Variants in COPS2 observed in about 807,000 individuals in gnomAD.
COPS2 encodes the protein COP9 signalosome complex subunit 2.
In COPS2, 10 loss-of-function variants were observed where a neutral mutation model predicts 66.1. The ratio of observed to expected loss-of-function variants is 0.15; its 90% CI spans 0.09 to 0.26. The LOEUF is 0.26. Ranked by LOEUF, COPS2 falls within the 10% of genes least tolerant of loss-of-function variation. The pLI is 1.00. For missense variants in COPS2, 215 were observed against 513.3 expected (o/e 0.42, Z 5.62); for synonymous variants, 179 against 171.3 (o/e 1.04, Z -0.35).
intron 1 of COPS2, 101 bp downstream of exon 1, chr15:49,155,424 A>G: frequency 9.2e-7 from 1 of 1,085,170 alleles, no homozygotes; most frequent in Non-Finnish European, 1.4e-6. Context: ...GAGAGGCTGT[A>G]AACGGCACAT....
chr15:49,154,452 C>A (rs1463086893), intron 1 of COPS2, among the ~76,000 whole-genome samples: 1 of 152,072 alleles, frequency 6.6e-6, no homozygotes, highest in African/African-American at 2.4e-5. Context: ...ATGCAAAAAA[C>A]TGAAAATATA....
chr15:49,131,274 G>GT (rs1276577143), intron 9 of COPS2, among the ~76,000 whole-genome samples: 1 of 152,004 alleles, frequency 6.6e-6, no homozygotes, highest in East Asian at 1.9e-4. Flanking sequence ...TATCCTCTGT[G>GT]TAGGTTATTC....
chr15:49,134,462 T>C lies in COPS2; in HGVS notation c.593A>G (p.Tyr198Cys). Residue 198 changes from tyrosine to cysteine, a missense_variant, in exon 7 of 13, where the codon TAT becomes TGT. Around this residue, in one of 5 missense-constraint regions of COPS2, gnomAD observed 90 missense variants for 225.1 expected, o/e 0.40. Coordinates refer to ENST00000388901, the MANE Select transcript of COPS2 (RefSeq NM_004236.4). Reference protein sequence around the residue: ...LKKGTQLLEIYALEIQMYTAQ... With the variant: ...LKKGTQLLEICALEIQMYTAQ... Reference sequence around the variant, plus strand: ...TGTGTACATTTGAATTTCCAAAGCATATATTTCTAATAACTGTGTACCTTT... The same window carrying C: ...TGTGTACATTTGAATTTCCAAAGCACATATTTCTAATAACTGTGTACCTTT... 6.2e-7 allele frequency: 1 copy of C among 1,612,422 alleles called. No homozygotes were observed. Among genetic ancestry groups the C allele is most frequent in the Non-Finnish European group, 8.5e-7 (1 of 1,179,580 alleles).
rs2084137701 is a variant in COPS2 at position 49,123,150 on chromosome 15, A to G, written c.*4800T>C. On this transcript the variant is annotated 3_prime_UTR_variant, in exon 13 of 13. Coordinates refer to ENST00000388901, the MANE Select transcript of COPS2 (RefSeq NM_004236.4). ...CGTAAACAGTAAGGGATAGGCAAAC[A>G]TTTGAACAGAAATTAGATACTCAAC... is the stretch of plus-strand genomic sequence containing the variant. 1 of 152,228 alleles carries G rather than the reference A, an allele frequency of 6.6e-6. No homozygotes were observed. Among genetic ancestry groups the G allele is most frequent in the South Asian group, 2.1e-4 (1 of 4,838 alleles). 9.4% of individuals were successfully genotyped at this position (152,228 alleles called of 1,614,324 possible).
intron 3 of COPS2, among the ~76,000 whole-genome samples, chr15:49,140,223 G>A (rs944637456): frequency 2.0e-5 from 3 of 151,536 alleles, no homozygotes; most frequent in Non-Finnish European, 4.4e-5. Flanking sequence ...TTGAACTCCC[G>A]ATCTCAGGTG....
intron 4 of COPS2, 68 bp from the exon 5 acceptor site, chr15:49,137,505 GAACA>G: frequency 1.8e-6 from 2 of 1,138,972 alleles, no homozygotes; most frequent in Non-Finnish European, 2.6e-6. Flanking sequence ...AAGTTAATTT[GAACA>G]AACTAAAAGT....
intron 1 of COPS2, among the ~76,000 whole-genome samples, chr15:49,153,197 G>A (rs893077075): frequency 6.6e-6 from 1 of 152,144 alleles, no homozygotes; most frequent in Non-Finnish European, 1.5e-5. Context: ...AGGCTGAGGC[G>A]GGATGATTGG....
chr15:49,128,511 T>A (rs2084185258), intron 12 of COPS2, among the ~76,000 whole-genome samples, 191 bp downstream of exon 12: 1 of 152,246 alleles, frequency 6.6e-6, no homozygotes, highest in Non-Finnish European at 1.5e-5. Flanking sequence ...CATTTAGAAC[T>A]TTTTCTGAGA....
rs1471626819 is a variant in COPS2 at position 49,124,793 on chromosome 15, T to C, written c.*3157A>G. On this transcript the variant is annotated 3_prime_UTR_variant, in exon 13 of 13. Transcript: ENST00000388901. ...CTAAATCAAAAGAGAAATTTTCAGG[T>C]TTAAAAGTGACTAAAATAATATTTT... 1 of 152,112 alleles carries C rather than the reference T, an allele frequency of 6.6e-6. No individual in the cohort carries two copies. Among genetic ancestry groups the C allele is most frequent in the African/African-American group, 2.4e-5 (1 of 41,440 alleles). The allele number at this position is 152,112 out of a possible 1,614,324, so 9.4% of individuals were successfully genotyped here.
intron 4 of COPS2, 185 bp from the exon 5 acceptor site, chr15:49,137,622 C>G (rs753849682): frequency 1.9e-6 from 1 of 535,212 alleles, no homozygotes; most frequent in Non-Finnish European, 3.3e-6. Flanking sequence ...ACCAAATTTA[C>G]AAGTACCATG....
Position 49,126,809 on chromosome 15 carries a change from C to G in COPS2, c.*1141G>C, listed in dbSNP as rs1235044878. ...GTTAGGTGGAAGTTTTGGAAACTTT[C>G]ATTTGGTGCCAAGTAATGGTAACTA... On this transcript the variant is annotated 3_prime_UTR_variant, in exon 13 of 13. Coordinates refer to ENST00000388901, the MANE Select transcript of COPS2 (RefSeq NM_004236.4). 6.6e-6 allele frequency: 1 copy of G among 152,064 alleles called. No individual in the cohort carries two copies. Among genetic ancestry groups the G allele is most frequent in the African/African-American group, 2.4e-5 (1 of 41,434 alleles). The allele number at this position is 152,064 out of a possible 1,614,324, so 9.4% of individuals were successfully genotyped here. A position where few individuals can be genotyped will look rare whatever the true frequency, so the allele number is the denominator to read the frequency against.
chr15:49,129,018 A>G (rs1456091889), intron 11 of COPS2, among the ~76,000 whole-genome samples: 1 of 152,238 alleles, frequency 6.6e-6, no homozygotes, highest in Non-Finnish European at 1.5e-5. Flanking sequence ...TACATATTTT[A>G]GCCACTACTT....
rs2084151875 is a variant in COPS2, at chr15:49,124,763, A to G, written c.*3187T>C. 6.6e-6 allele frequency: 1 copy of G among 152,350 alleles called. No individual in the cohort carries two copies. Among genetic ancestry groups the G allele is most frequent in the Middle Eastern group, 3.4e-3 (1 of 294 alleles). The allele number at this position is 152,350 out of a possible 1,614,324, so 9.4% of individuals were successfully genotyped here. A position where few individuals can be genotyped will look rare whatever the true frequency, so the allele number is the denominator to read the frequency against. On this transcript the variant is annotated 3_prime_UTR_variant, in exon 13 of 13. Transcript: ENST00000388901. ...TTGTGTATGCTCAAGCCTCACTTCA[A>G]AAATCTAAATCAAAAGAGAAATTTT...
chr15:49,135,279 A>G (rs1283163623), intron 6 of COPS2, among the ~76,000 whole-genome samples: 2 of 152,142 alleles, frequency 1.3e-5, no homozygotes, highest in Non-Finnish European at 2.9e-5. Context: ...GAGATTTATT[A>G]TTGTCTTCCC....
intron 3 of COPS2, among the ~76,000 whole-genome samples, chr15:49,142,509 T>C (rs906405654): frequency 3.9e-5 from 6 of 152,170 alleles, no homozygotes; most frequent in South Asian, 2.1e-4. Flanking sequence ...ACATATCATA[T>C]GGGAAATACA....
chr15:49,129,566 G>A lies in COPS2; in HGVS notation c.1046-7C>T. Reference sequence around the variant, plus strand: ...CTGATGTTTCGCAAAAGCTCTGAAAGACAAAAAATTAAAATAACATTTTAT... The same window carrying A: ...CTGATGTTTCGCAAAAGCTCTGAAAAACAAAAAATTAAAATAACATTTTAT... On this transcript the variant is annotated splice_polypyrimidine_tract_variant and splice_region_variant and intron_variant, in intron 10 of 12. Coordinates refer to ENST00000388901, the MANE Select transcript of COPS2 (RefSeq NM_004236.4). The A allele has an allele frequency of 1.4e-6, 2 of 1,434,296 alleles. No homozygotes were observed. The highest frequency in any genetic ancestry group is 2.5e-5 in the Admixed American group (1 of 40,350). 88.8% of individuals were successfully genotyped at this position (1,434,296 alleles called of 1,614,324 possible).
intron 1 of COPS2, among the ~76,000 whole-genome samples, chr15:49,150,489 C>T (rs1366007035): frequency 6.6e-6 from 1 of 151,952 alleles, no homozygotes; most frequent in East Asian, 1.9e-4. Context: ...ATGACAAATA[C>T]GAGAGTCTGT....
chr15:49,146,182 G>A (rs1049962607), intron 1 of COPS2, among the ~76,000 whole-genome samples: 1 of 152,092 alleles, frequency 6.6e-6, no homozygotes, highest in Admixed American at 6.6e-5. Context: ...ATCAAGAGTG[G>A]CTTTGTAATG....
chr15:49,147,895 A>C (rs1014430468), intron 1 of COPS2, among the ~76,000 whole-genome samples: 1 of 152,188 alleles, frequency 6.6e-6, no homozygotes, highest in Non-Finnish European at 1.5e-5. Context: ...GTTATTGCTA[A>C]AATATATAAA....
Sources: allele counts gnomAD v4.1 joint callset (sites outside exome capture counted in the v4.1 genomes callset), GRCh38; gene constraint gnomAD v4.1.1; regional missense constraint gnomAD v4.1.1; transcripts MANE v1.5; gene names NCBI Gene and HGNC (gene_info 2026-07-23, HGNC 2026-07-21).